Variants in COPB2 observed in about 807,000 individuals in gnomAD.
The protein encoded by COPB2 is coat protein complex I subunit beta 2, also known as coatomer subunit beta'.
Under a neutral mutation model 120.8 loss-of-function variants are expected in COPB2, and 16 were observed. That is an observed-to-expected ratio of 0.13 (90% CI 0.09 to 0.20). The LOEUF (loss-of-function observed/expected upper bound fraction) is 0.20. COPB2 is among the 10% of genes least tolerant of loss of function. COPB2 has a pLI of 1.00. For missense variants in COPB2, 794 were observed against 1,076.5 expected, an observed-to-expected ratio of 0.74 and a Z score of 3.67; for synonymous variants, 332 against 366.3, an observed-to-expected ratio of 0.91 and a Z score of 1.07.
At position 139,369,285 on chromosome 3, in the gene COPB2, T is replaced by C; in HGVS notation, c.1377A>G (p.Arg459=). The change falls in exon 12 of 22, where the codon CGA becomes CGG. Residue 459 remains arginine (R), a synonymous_variant. Coordinates refer to ENST00000333188, the MANE Select transcript of COPB2 (RefSeq NM_004766.3). ...CATGTTTGGGCTGAATTTCAATTCT[T>C]CGTATGAGTTCTGTATTGTCCCAGT... is the stretch of plus-strand genomic sequence containing the variant. ...FYDWDNTELI[R]RIEIQPKHIF... is the part of the protein sequence containing the mutation. 1 of 1,608,380 alleles carries C rather than the reference T, an allele frequency of 6.2e-7. No homozygotes were observed. Among genetic ancestry groups the C allele is most frequent in the Non-Finnish European group, 8.5e-7 (1 of 1,177,374 alleles).
At position 139,378,140 on chromosome 3, in the gene COPB2, T is replaced by G; in HGVS notation, c.405A>C (p.Ser135=). The change falls in exon 5 of 22, where the codon TCA becomes TCC. Residue 135 remains serine (S), a synonymous_variant. Coordinates refer to ENST00000333188, the MANE Select transcript of COPB2 (RefSeq NM_004766.3). The part of the protein sequence containing the change: ...LWDWDKKWSC[S]QVFEGHTHYV... ...AATGGGTGTGTCCTTCAAACACTTG[T>G]GAGCAAGACCATTTTTTATCCCAGT... 1 of 1,585,266 alleles carries G rather than the reference T, an allele frequency of 6.3e-7. No homozygotes were observed. The highest frequency in any genetic ancestry group is 8.6e-7 in the Non-Finnish European group (1 of 1,158,856).
At chr3:139,388,016 G>GT (rs1941955757) in intron 1 of COPB2, among the ~76,000 whole-genome samples, 1 of 152,084 alleles carries the variant, frequency 6.6e-6, no homozygotes, top group South Asian at 2.1e-4. Flanking sequence ...ATGAATTCAC[G>GT]TTTTGTATTT....
At chr3:139,358,047 G>T (rs1002342204) in intron 21 of COPB2, 89 bp from the exon 22 acceptor site, 2 of 1,039,014 alleles carry the variant, frequency 1.9e-6, no homozygotes, top group Admixed American at 2.5e-5. Flanking sequence ...TGAGAACTAA[G>T]ATTTTCTTAA....
rs887504336 is a variant in COPB2 at position 139,389,635 on chromosome 3, A to G, written c.-85T>C. On this transcript the variant is annotated 5_prime_UTR_variant, in exon 1 of 22. Coordinates refer to ENST00000333188, the MANE Select transcript of COPB2 (RefSeq NM_004766.3). ...TAAACCCACCGATCCACTGACCGTC[A>G]GACTGACTGACGTGGAACTTCCGGG... 5.8e-6 allele frequency: 8 copies of G among 1,385,904 alleles called. No individual in the cohort carries two copies. The African/African-American group carries it at 1.2e-4, about 20-fold the overall frequency. The allele number at this position is 1,385,904 out of a possible 1,614,324, so 85.9% of individuals were successfully genotyped here. A position where few individuals can be genotyped will look rare whatever the true frequency, so the allele number is the denominator to read the frequency against.
chr3:139,383,825 CAT>C (rs56063722), intron 1 of COPB2, among the ~76,000 whole-genome samples: 37,672 of 151,920 alleles, frequency 0.25, 6,511 homozygotes, highest in East Asian at 0.86. Context: ...AAATCCAGTA[CAT>C]GTTAATTAAA....
intron 17 of COPB2, 79 bp downstream of exon 17, chr3:139,361,002 T>A: frequency 6.7e-7 from 1 of 1,493,682 alleles, no homozygotes. Context: ...ATCAGTTCTC[T>A]CCAGGGTTCA....
intron 14 of COPB2, 100 bp downstream of exon 14, chr3:139,366,915 A>C (rs1187192109): frequency 2.0e-6 from 3 of 1,502,392 alleles, no homozygotes; most frequent in African/African-American, 2.8e-5. Context: ...TACTAAAACT[A>C]TAACACTGAA....
intron 20 of COPB2, 186 bp downstream of exon 20, chr3:139,358,555 GTAA>G: frequency 1.6e-6 from 1 of 609,120 alleles, no homozygotes; most frequent in Non-Finnish European, 2.9e-6. Flanking sequence ...ATGGGCGCCT[GTAA>G]TTACCCCAGC....
intron 5 of COPB2, 112 bp downstream of exon 5, chr3:139,377,929 T>C: frequency 9.2e-7 from 1 of 1,081,666 alleles, no homozygotes; most frequent in Non-Finnish European, 1.2e-6. Context: ...CAAAACAGGC[T>C]TTTGAGGAAA....
chr3:139,372,512 T>C (rs1016629565), intron 9 of COPB2, among the ~76,000 whole-genome samples: 3 of 152,346 alleles, frequency 2.0e-5, no homozygotes, highest in East Asian at 3.9e-4. Context: ...ATATGCATAA[T>C]GCATTCTTAA....
At chr3:139,377,096 T>A (rs1941727855) in intron 5 of COPB2, among the ~76,000 whole-genome samples, 1 of 152,206 alleles carries the variant, frequency 6.6e-6, no homozygotes, top group Admixed American at 6.6e-5. Context: ...ATGATTGCCC[T>A]CACTGCAACA....
At chr3:139,364,432 T>C (rs539790884) in intron 15 of COPB2, among the ~76,000 whole-genome samples, 1 of 151,978 alleles carries the variant, frequency 6.6e-6, no homozygotes, top group East Asian at 1.9e-4. Flanking sequence ...GTACAGAGTA[T>C]CAAAGGAAGA....
chr3:139,378,099 A>G lies in COPB2; in HGVS notation c.446T>C (p.Val149Ala), dbSNP rs1284391398. 26 of 1,589,948 alleles carry G rather than the reference A, an allele frequency of 1.6e-5. No homozygotes were observed. Among genetic ancestry groups the G allele is most frequent in the Non-Finnish European group, 2.2e-5 (26 of 1,162,536 alleles). ...EGHTHYVMQI[V>A]INPKDNNQFA... ...CTGATTGTTATCTTTGGGGTTGATC[A>G]CAATCTGCATAACATAATGGGTGTG... The change falls in exon 5 of 22, where the codon GTG (valine) becomes GCG (alanine). Residue 149 changes from valine (V) to alanine (A), a missense_variant. By Grantham distance (64) the Val-to-Ala change is moderately conservative (BLOSUM62 0). Transcript: ENST00000333188.
At chr3:139,379,584 G>T in intron 2 of COPB2, 118 bp from the exon 3 acceptor site, 2 of 745,278 alleles carry the variant, frequency 2.7e-6, no homozygotes, top group East Asian at 2.9e-5. Flanking sequence ...TATATTCTCA[G>T]GCTAAAATAT....
At chr3:139,363,081 G>A (rs1185125760) in intron 15 of COPB2, among the ~76,000 whole-genome samples, 2 of 152,184 alleles carry the variant, frequency 1.3e-5, no homozygotes, top group Non-Finnish European at 2.9e-5. Context: ...GTGTATTCAG[G>A]TCCAGTCACC....
intron 1 of COPB2, among the ~76,000 whole-genome samples, chr3:139,389,292 G>A (rs1160509159): frequency 6.6e-6 from 1 of 152,228 alleles, no homozygotes; most frequent in Non-Finnish European, 1.5e-5. Flanking sequence ...GACTGCAGGA[G>A]CTCTGGCAAG....
At chr3:139,373,482 T>G (rs908801344) in intron 8 of COPB2, 70 bp from the exon 9 acceptor site, 35 of 1,560,110 alleles carry the variant, frequency 2.2e-5, no homozygotes, top group Non-Finnish European at 2.6e-5. Flanking sequence ...AACAGATTAT[T>G]TTTTTCACCT....
At chr3:139,361,325 A>G in intron 16 of COPB2, 30 bp from the exon 17 acceptor site, 10 of 1,587,344 alleles carry the variant, frequency 6.3e-6, no homozygotes, top group Non-Finnish European at 7.8e-6. Flanking sequence ...AAGTTAAAAT[A>G]TCTTTAGAAA....
rs942129170 is a variant in COPB2, at chr3:139,375,472, T to C, written c.647A>G (p.Tyr216Cys). 1.9e-6 allele frequency: 3 copies of C among 1,612,840 alleles called. No homozygotes were observed. The Admixed American group carries it at 5.0e-5, about 27-fold the overall frequency. ...ADDRLVKIWD[Y>C]QNKTCVQTLE... is the part of the protein sequence containing the mutation. ...TAAGGTTATGAAAAACTGTACCTGA[T>C]AATCCCATATTTTAACAAGACGGTC... Residue 216 changes from tyrosine (Y) to cysteine (C), a missense_variant, in exon 6 of 22, where the codon TAT (tyrosine) becomes TGT (cysteine). Tyr to Cys is a radical substitution (Grantham distance 194). Transcript: ENST00000333188.
Sources: allele counts gnomAD v4.1 joint callset (sites outside exome capture counted in the v4.1 genomes callset), GRCh38; gene constraint gnomAD v4.1.1; transcripts MANE v1.5; gene names NCBI Gene and HGNC (gene_info 2026-07-23, HGNC 2026-07-21).